The following CDH7 variants were observed in gnomAD, a reference collection of about 807,000 sequenced individuals.
CDH7 encodes cadherin 7, also known as cadherin-7.
A neutral mutation model predicts 71.8 loss-of-function variants in CDH7; 25 were observed. That is an observed-to-expected ratio of 0.35 (90% CI 0.25 to 0.49). CDH7 has a LOEUF of 0.49. CDH7 is among the 20% of genes least tolerant of loss of function. The pLI is 0.99. For missense variants in CDH7, 862 were observed against 974.6 expected, an observed-to-expected ratio of 0.88 and a Z score of 1.54; for synonymous variants, 381 against 363.8, an observed-to-expected ratio of 1.05 and a Z score of -0.54.
At chr18:65,768,572 A>G (rs1474776323) in intron 2 of CDH7, among the ~76,000 whole-genome samples, 1 of 152,146 alleles carries the variant, frequency 6.6e-6, no homozygotes, top group African/African-American at 2.4e-5. Flanking sequence ...ATAAACTGAA[A>G]CGATGATTGA....
At chr18:65,821,201 T>G (rs1264183584) in intron 4 of CDH7, among the ~76,000 whole-genome samples, 1 of 151,876 alleles carries the variant, frequency 6.6e-6, no homozygotes, top group Non-Finnish European at 1.5e-5. Flanking sequence ...ATTGTTTATG[T>G]TTGGTGACAG....
intron 2 of CDH7, among the ~76,000 whole-genome samples, chr18:65,768,697 G>A (rs1916453127): frequency 6.6e-6 from 1 of 152,134 alleles, no homozygotes; most frequent in Non-Finnish European, 1.5e-5. Context: ...ATAAACGACA[G>A]AATTAGATAA....
At chr18:65,777,557 A>C (rs7238986) in intron 2 of CDH7, among the ~76,000 whole-genome samples, 1 of 152,020 alleles carries the variant, frequency 6.6e-6, no homozygotes, top group Non-Finnish European at 1.5e-5. Flanking sequence ...AGTGGAAAGC[A>C]TACTTGTATT....
chr18:65,860,704 A>G (rs1913533500), intron 10 of CDH7, among the ~76,000 whole-genome samples: 1 of 152,172 alleles, frequency 6.6e-6, no homozygotes, highest in Non-Finnish European at 1.5e-5. Flanking sequence ...GGAAAAAAGT[A>G]CAGAATTGGA....
intron 2 of CDH7, among the ~76,000 whole-genome samples, chr18:65,798,401 C>T (rs1910994270): frequency 6.6e-6 from 1 of 152,208 alleles, no homozygotes; most frequent in African/African-American, 2.4e-5. Flanking sequence ...TCACCTGTGC[C>T]TCTGAAGGAG....
intron 2 of CDH7, among the ~76,000 whole-genome samples, chr18:65,791,649 T>C (rs556002165): frequency 6.6e-6 from 1 of 152,322 alleles, no homozygotes; most frequent in East Asian, 1.9e-4. Context: ...TGTTACAGTG[T>C]AGCAAGCTTA....
chr18:65,763,080 T>A, intron 2 of CDH7, 28 bp downstream of exon 2: 1 of 1,493,274 alleles, frequency 6.7e-7, no homozygotes, highest in South Asian at 1.2e-5. Flanking sequence ...TTCAAAGTTG[T>A]AAATGATTAT....
chr18:65,821,949 TA>T, intron 4 of CDH7, 131 bp from the exon 5 acceptor site: 1 of 670,080 alleles, frequency 1.5e-6, no homozygotes, highest in South Asian at 1.8e-5. Flanking sequence ...TAATACACAG[TA>T]AAATTATTTA....
chr18:65,833,785 A>G (rs573829880), intron 6 of CDH7, among the ~76,000 whole-genome samples: 41 of 152,202 alleles, frequency 2.7e-4, no homozygotes, highest in Non-Finnish European at 4.9e-4. Flanking sequence ...GAAGAAAATG[A>G]TACTAATTTA....
chr18:65,782,107 CTTCTTTCT>C (rs745442687), intron 2 of CDH7, among the ~76,000 whole-genome samples: 1,626 of 25,168 alleles, frequency 0.065, 159 homozygotes, highest in South Asian at 0.098. Flanking sequence ...TCCTTCCTTC[CTTCTTTCT>C]TTCTTTCTTT....
At chr18:65,839,159 C>G (rs759863226) in intron 6 of CDH7, among the ~76,000 whole-genome samples, 1 of 152,112 alleles carries the variant, frequency 6.6e-6, no homozygotes, top group African/African-American at 2.4e-5. Flanking sequence ...TGGACTTTTA[C>G]TAGAACTCTT....
chr18:65,813,974 C>T (rs1187363025), intron 3 of CDH7, among the ~76,000 whole-genome samples: 1 of 152,096 alleles, frequency 6.6e-6, no homozygotes, highest in Non-Finnish European at 1.5e-5. Context: ...GGGTAGCCAC[C>T]TAATATACAG....
intron 6 of CDH7, 109 bp from the exon 7 acceptor site, chr18:65,843,703 T>C (rs1428059437): frequency 2.5e-5 from 25 of 985,318 alleles, no homozygotes; most frequent in Non-Finnish European, 3.6e-5. Flanking sequence ...TGATGGTGCA[T>C]TTACATGACA....
chr18:65,754,461 A>G (rs1423450794), intron 1 of CDH7, among the ~76,000 whole-genome samples: 4 of 152,208 alleles, frequency 2.6e-5, no homozygotes, highest in Non-Finnish European at 5.9e-5. Context: ...TAGCCTCACT[A>G]ATTAAAATGT....
At chr18:65,753,525 G>T (rs959144299) in intron 1 of CDH7, among the ~76,000 whole-genome samples, 5 of 152,160 alleles carry the variant, frequency 3.3e-5, no homozygotes, top group African/African-American at 4.8e-5. Flanking sequence ...GGAAGTTTCA[G>T]GAACTTCTAA....
At chr18:65,841,801 G>A (rs987944224) in intron 6 of CDH7, among the ~76,000 whole-genome samples, 42 of 151,988 alleles carry the variant, frequency 2.8e-4, no homozygotes, top group African/African-American at 1.0e-3. Context: ...ATTGGAAGGG[G>A]CCACACATAT....
rs139531786 is a variant in CDH7, at chr18:65,848,787, A to G, written c.1235+4722A>G. Among the ~76,000 whole-genome samples, 344 of 152,286 alleles carry G rather than the reference A, an allele frequency of 2.3e-3. 5 individuals are homozygous for G. Among genetic ancestry groups the G allele is most frequent in the East Asian group, 1.7e-3 (9 of 5,184 alleles). ...ATTTTAAGCATTTCTAATAATCTAA[A>G]TATAGAAATATGTTTATATTTATGT... is the stretch of plus-strand genomic sequence containing the variant. On this transcript the variant is annotated intron_variant, in intron 7 of 11. Coordinates refer to ENST00000397968, the MANE Select transcript of CDH7 (RefSeq NM_004361.5).
At chr18:65,818,624 T>C (rs1207262377) in intron 4 of CDH7, among the ~76,000 whole-genome samples, 2 of 152,216 alleles carry the variant, frequency 1.3e-5, no homozygotes, top group East Asian at 3.8e-4. Flanking sequence ...CACTGAGATA[T>C]TTTAAGTACT....
intron 5 of CDH7, among the ~76,000 whole-genome samples, chr18:65,822,757 C>A (rs551898435): frequency 6.6e-6 from 1 of 151,902 alleles, no homozygotes; most frequent in East Asian, 1.9e-4. Flanking sequence ...AGTTCCCCCA[C>A]GTCTTTCTTG....
Sources: allele counts gnomAD v4.1 joint callset (sites outside exome capture counted in the v4.1 genomes callset), GRCh38; gene constraint gnomAD v4.1.1; transcripts MANE v1.5; gene names NCBI Gene and HGNC (gene_info 2026-07-23, HGNC 2026-07-21).